LRRC4C: variants seen among roughly 807,000 people sequenced by gnomAD.
LRRC4C encodes leucine rich repeat containing 4C, also known as leucine-rich repeat-containing protein 4C.
LRRC4C carries 5 observed loss-of-function variants against 33.6 expected under a neutral mutation model. That is an observed-to-expected ratio of 0.15 (90% CI 0.08 to 0.31). The LOEUF (loss-of-function observed/expected upper bound fraction) is 0.31, where lower values mean the gene tolerates loss of function less well. Among genes scored for constraint, LRRC4C ranks in the 10% least tolerant of loss-of-function variants. LRRC4C has a pLI of 1.00. For synonymous variants in LRRC4C, 329 were observed against 302.0 expected, an observed-to-expected ratio of 1.09 and a Z score of -0.93; for missense variants, 560 against 796.7, an observed-to-expected ratio of 0.70 and a Z score of 3.58.
At chr11:41,118,136 T>C (rs1942235709) in intron 1 of LRRC4C, among the ~76,000 whole-genome samples, 1 of 152,176 alleles carries the variant, frequency 6.6e-6, no homozygotes, top group Non-Finnish European at 1.5e-5. Flanking sequence ...ACCTAAAGAA[T>C]TGTATAGAAA....
intron 1 of LRRC4C, among the ~76,000 whole-genome samples, chr11:41,363,363 C>T (rs570126045): frequency 2.6e-4 from 40 of 152,256 alleles, no homozygotes; most frequent in African/African-American, 8.2e-4. Flanking sequence ...CTGAAATTTG[C>T]GGATATATAA....
intron 2 of LRRC4C, among the ~76,000 whole-genome samples, chr11:40,846,020 G>GTTTTTTTTTTTTTTTTTTTTT (rs140994322): frequency 7.0e-6 from 1 of 142,140 alleles, no homozygotes. Context: ...ACTTTCTGAT[G>GTTTTTTTTTTTTTTTTTTTTT]TTTTTTTTTT....
At chr11:41,428,188 C>T (rs532890929) in intron 1 of LRRC4C, among the ~76,000 whole-genome samples, 3 of 152,136 alleles carry the variant, frequency 2.0e-5, no homozygotes, top group Admixed American at 1.3e-4. Context: ...TGAAGGGCTC[C>T]GGAGGCAGTT....
intron 1 of LRRC4C, among the ~76,000 whole-genome samples, chr11:41,094,475 G>T (rs1940674592): frequency 2.0e-5 from 3 of 152,050 alleles, no homozygotes; most frequent in African/African-American, 7.2e-5. Context: ...AGTGAGCCGA[G>T]ATTGCACCAC....
intron 3 of LRRC4C, among the ~76,000 whole-genome samples, chr11:40,501,579 G>A (rs141588174): frequency 4.7e-4 from 71 of 152,312 alleles, no homozygotes; most frequent in African/African-American, 1.6e-3. Context: ...TGCACCCTCT[G>A]AAGCTACAGC....
chr11:40,907,064 A>G (rs1956454851), intron 2 of LRRC4C, among the ~76,000 whole-genome samples: 1 of 152,182 alleles, frequency 6.6e-6, no homozygotes, highest in Non-Finnish European at 1.5e-5. Context: ...TTTTCAGTCC[A>G]GCAAATATAG....
intron 2 of LRRC4C, among the ~76,000 whole-genome samples, chr11:40,656,808 A>C (rs1173601757): frequency 1.3e-5 from 2 of 152,200 alleles, no homozygotes; most frequent in African/African-American, 2.4e-5. Context: ...ATATCCATAT[A>C]CCACAAGGCC....
At chr11:41,097,655 C>T (rs971251775) in intron 1 of LRRC4C, among the ~76,000 whole-genome samples, 4 of 152,118 alleles carry the variant, frequency 2.6e-5, no homozygotes, top group African/African-American at 9.7e-5. Context: ...CTACCAGGAC[C>T]AATTTTATCA....
intron 1 of LRRC4C, among the ~76,000 whole-genome samples, chr11:41,360,132 G>C (rs1952301053): frequency 6.6e-6 from 1 of 152,116 alleles, no homozygotes. Flanking sequence ...GCAGTGAGCG[G>C]AGATCGCGCC....
chr11:40,119,044 A>G (rs781270890), intron 6 of LRRC4C, among the ~76,000 whole-genome samples: 13 of 151,940 alleles, frequency 8.6e-5, no homozygotes, highest in African/African-American at 1.2e-4. Flanking sequence ...GGCTTGAGGA[A>G]GAAGGGCTGG....
intron 2 of LRRC4C, among the ~76,000 whole-genome samples, chr11:40,731,353 C>A (rs550519621): frequency 5.3e-5 from 8 of 151,186 alleles, no homozygotes; most frequent in Middle Eastern, 3.5e-3. Context: ...GTGTGAGGCA[C>A]CTCCTCTCCC....
chr11:40,251,319 T>C (rs1830117503), intron 4 of LRRC4C, among the ~76,000 whole-genome samples: 1 of 152,170 alleles, frequency 6.6e-6, no homozygotes, highest in African/African-American at 2.4e-5. Flanking sequence ...AATGAATATA[T>C]TGTGTGATGT....
In LRRC4C at chr11:40,794,716, C is replaced by A. The variant is rs769652354; in HGVS notation, c.-407+138919G>T. Among the ~76,000 whole-genome samples, 5 of 152,238 alleles carry A rather than the reference C, an allele frequency of 3.3e-5. No homozygotes were observed. The Middle Eastern group carries it at 0.01, about 311-fold the overall frequency. ...ATTCCTATGAGTAATACTGATAGAA[C>A]AACCAGTTGAGTGCTATAAGAATAT... On this transcript the variant is annotated intron_variant, in intron 2 of 6. Coordinates refer to ENST00000528697, the MANE Select transcript of LRRC4C (RefSeq NM_001258419.2).
intron 4 of LRRC4C, among the ~76,000 whole-genome samples, chr11:40,287,384 T>C (rs1943916581): frequency 6.6e-6 from 1 of 151,998 alleles, no homozygotes; most frequent in South Asian, 2.1e-4. Context: ...TGCCTGCGTG[T>C]GTTTGCATAC....
chr11:41,029,752 A>G (rs1254189998), intron 1 of LRRC4C, among the ~76,000 whole-genome samples: 1 of 151,830 alleles, frequency 6.6e-6, no homozygotes, highest in Non-Finnish European at 1.5e-5. Flanking sequence ...AACTGTGTGG[A>G]AGACTATTGT....
chr11:40,645,800 C>A (rs1432890333), intron 3 of LRRC4C, among the ~76,000 whole-genome samples: 3 of 152,212 alleles, frequency 2.0e-5, no homozygotes, highest in Admixed American at 2.0e-4. Flanking sequence ...GGGGTACAGC[C>A]CCAGCTGGCA....
chr11:41,447,693 T>C (rs1955867841), intron 1 of LRRC4C, among the ~76,000 whole-genome samples: 1 of 152,182 alleles, frequency 6.6e-6, no homozygotes, highest in Non-Finnish European at 1.5e-5. Context: ...TATAATACAA[T>C]TTAACTAAAT....
intron 1 of LRRC4C, among the ~76,000 whole-genome samples, chr11:40,963,865 A>G (rs1169769897): frequency 6.6e-6 from 1 of 151,742 alleles, no homozygotes; most frequent in Non-Finnish European, 1.5e-5. Flanking sequence ...CCTTTGAGTA[A>G]TTTGCTGGCA....
At chr11:40,343,137 T>G (rs1946949850) in intron 3 of LRRC4C, among the ~76,000 whole-genome samples, 1 of 152,062 alleles carries the variant, frequency 6.6e-6, no homozygotes, top group Non-Finnish European at 1.5e-5. Context: ...ATAAACTGAC[T>G]CACTACCATT....
Sources: allele counts gnomAD v4.1 joint callset (sites outside exome capture counted in the v4.1 genomes callset), GRCh38; gene constraint gnomAD v4.1.1; transcripts MANE v1.5; gene names NCBI Gene and HGNC (gene_info 2026-07-23, HGNC 2026-07-21).